Variants in DPP10 observed in about 807,000 individuals in gnomAD.
DPP10 encodes the protein inactive dipeptidyl peptidase 10.
DPP10 carries 33 observed loss-of-function variants against 120.9 expected under a neutral mutation model. That is an observed-to-expected ratio of 0.27 (90% CI 0.21 to 0.37). The LOEUF (loss-of-function observed/expected upper bound fraction) is 0.37, where lower values mean the gene tolerates loss of function less well. Ranked by LOEUF, DPP10 falls within the 10% of genes least tolerant of loss-of-function variation. DPP10 has a pLI of 1.00. For synonymous variants in DPP10, 337 were observed against 326.1 expected, an observed-to-expected ratio of 1.03 and a Z score of -0.36; for missense variants, 816 against 942.8, an observed-to-expected ratio of 0.87 and a Z score of 1.76.
At chr2:115,656,148 A>G (rs2088310294) in intron 5 of DPP10, among the ~76,000 whole-genome samples, 1 of 151,180 alleles carries the variant, frequency 6.6e-6, no homozygotes, top group Non-Finnish European at 1.5e-5. Flanking sequence ...ACACACACAC[A>G]CACACACACA....
intron 10 of DPP10, chr2:115,750,002 C>A: frequency 1.0e-6 from 1 of 985,370 alleles, no homozygotes; most frequent in South Asian, 4.7e-5. Context: ...TCAAGAGGAC[C>A]AGATCCTCGA....
intron 2 of DPP10, among the ~76,000 whole-genome samples, chr2:115,335,855 A>G (rs1574471585): frequency 6.6e-6 from 1 of 152,168 alleles, no homozygotes; most frequent in Admixed American, 6.6e-5. Context: ...AGCCCTGGGA[A>G]TGGAGATGGT....
At chr2:115,627,077 G>C (rs1463204272) in intron 5 of DPP10, among the ~76,000 whole-genome samples, 1 of 152,070 alleles carries the variant, frequency 6.6e-6, no homozygotes, top group African/African-American at 2.4e-5. Context: ...GGGGTATGTA[G>C]CTTCAGTAAG....
intron 1 of DPP10, among the ~76,000 whole-genome samples, chr2:114,804,939 A>C (rs538218435): frequency 1.3e-5 from 2 of 152,200 alleles, no homozygotes; most frequent in East Asian, 3.9e-4. Flanking sequence ...TCCCCACCCA[A>C]ATCTCAATTT....
At chr2:114,490,647 G>A (rs942948464) in intron 1 of DPP10, among the ~76,000 whole-genome samples, 1 of 152,172 alleles carries the variant, frequency 6.6e-6, no homozygotes, top group African/African-American at 2.4e-5. Flanking sequence ...AGCAAAGGGG[G>A]AGAAGAGGGA....
chr2:115,571,628 A>T (rs1397619051), intron 5 of DPP10, among the ~76,000 whole-genome samples: 1 of 152,134 alleles, frequency 6.6e-6, no homozygotes, highest in Non-Finnish European at 1.5e-5. Flanking sequence ...TCTCTTAATG[A>T]CAAGGACCTA....
At chr2:114,616,818 A>G (rs1693711012) in intron 1 of DPP10, among the ~76,000 whole-genome samples, 1 of 152,090 alleles carries the variant, frequency 6.6e-6, no homozygotes. Flanking sequence ...CATAACATCA[A>G]TGGAGAGATC....
intron 1 of DPP10, among the ~76,000 whole-genome samples, chr2:114,517,535 A>G (rs937590102): frequency 6.6e-6 from 1 of 152,142 alleles, no homozygotes; most frequent in Non-Finnish European, 1.5e-5. Flanking sequence ...AAAAAAAAAA[A>G]AAATTGTCTG....
intron 5 of DPP10, among the ~76,000 whole-genome samples, chr2:115,613,076 C>T (rs184943370): frequency 6.6e-6 from 1 of 152,296 alleles, no homozygotes; most frequent in Non-Finnish European, 1.5e-5. Context: ...TAGACAAAAG[C>T]TCAAGGAGTT....
chr2:115,701,908 A>C (rs992008844), intron 7 of DPP10, among the ~76,000 whole-genome samples: 1 of 151,400 alleles, frequency 6.6e-6, no homozygotes, highest in Non-Finnish European at 1.5e-5. Flanking sequence ...AACCTTAGGA[A>C]TTAACCATTT....
intron 1 of DPP10, among the ~76,000 whole-genome samples, chr2:114,609,987 T>A (rs1447306507): frequency 6.6e-6 from 1 of 152,138 alleles, no homozygotes; most frequent in Non-Finnish European, 1.5e-5. Flanking sequence ...CACCCTTAAA[T>A]GTACTTGGCT....
chr2:115,749,763 G>A (rs1178357121), intron 10 of DPP10, among the ~76,000 whole-genome samples: 1 of 152,152 alleles, frequency 6.6e-6, no homozygotes, highest in African/African-American at 2.4e-5. Flanking sequence ...TGAGCTCAAA[G>A]TAACTACACC....
At chr2:115,287,120 G>A (rs1185661769) in intron 1 of DPP10, among the ~76,000 whole-genome samples, 1 of 151,968 alleles carries the variant, frequency 6.6e-6, no homozygotes, top group African/African-American at 2.4e-5. Flanking sequence ...GATTATTAAG[G>A]AAATGATAAA....
At chr2:114,769,438 G>A (rs764341199) in intron 1 of DPP10, among the ~76,000 whole-genome samples, 17 of 152,106 alleles carry the variant, frequency 1.1e-4, no homozygotes, top group Admixed American at 5.9e-4. Flanking sequence ...CTCCATCCTC[G>A]ATACAGGGAA....
rs149462158 is a variant in DPP10, at chr2:114,960,366, GTA to G, written c.61-348854_61-348853del. On this transcript the variant is annotated intron_variant, in intron 1 of 25. Transcript: ENST00000410059. ...CTCTGGTTGTACAGAGTGTATGTGC[GTA>G]TATATATATATATATATACTTTTGT... Among the ~76,000 whole-genome samples, 474 of 143,802 alleles carry G rather than the reference GTA, an allele frequency of 3.3e-3. 2 individuals carry two copies. The highest frequency in any genetic ancestry group is 0.012 in the African/African-American group (461 of 38,970). 94.3% of individuals were successfully genotyped at this position (143,802 alleles called of 152,430 possible).
chr2:115,817,964 T>C (rs1687436182), intron 21 of DPP10, among the ~76,000 whole-genome samples: 1 of 151,830 alleles, frequency 6.6e-6, no homozygotes, highest in African/African-American at 2.4e-5. Context: ...TTTTAATGGA[T>C]ATATAATAAT....
intron 1 of DPP10, among the ~76,000 whole-genome samples, chr2:115,020,481 C>A (rs1249130751): frequency 6.6e-6 from 1 of 151,970 alleles, no homozygotes; most frequent in Admixed American, 6.6e-5. Flanking sequence ...AATATATATG[C>A]ACCTAACACT....
chr2:114,876,270 C>G (rs1242558243), intron 1 of DPP10, among the ~76,000 whole-genome samples: 4 of 152,062 alleles, frequency 2.6e-5, no homozygotes, highest in Non-Finnish European at 5.9e-5. Context: ...ATGGCATCAC[C>G]AGCAGAGCAG....
chr2:114,529,031 C>A (rs891362248), intron 1 of DPP10, among the ~76,000 whole-genome samples: 1 of 152,046 alleles, frequency 6.6e-6, no homozygotes, highest in Non-Finnish European at 1.5e-5. Flanking sequence ...TGAGAAATAA[C>A]TGGCAAGAGA....
Sources: allele counts gnomAD v4.1 joint callset (sites outside exome capture counted in the v4.1 genomes callset), GRCh38; gene constraint gnomAD v4.1.1; transcripts MANE v1.5; gene names NCBI Gene and HGNC (gene_info 2026-07-23, HGNC 2026-07-21).